The following GNAL variants were observed in gnomAD, a reference collection of about 807,000 sequenced individuals.
GNAL encodes the protein G protein subunit alpha L.
GNAL carries 18 observed loss-of-function variants against 55.1 expected under a neutral mutation model. The ratio of observed to expected loss-of-function variants is 0.33; its 90% CI spans 0.23 to 0.48. The LOEUF (loss-of-function observed/expected upper bound fraction) is 0.48. Ranked by LOEUF, GNAL falls within the 20% of genes least tolerant of loss-of-function variation. GNAL has a pLI of 0.99. For missense variants in GNAL, 412 were observed against 614.1 expected (o/e 0.67, Z 3.48); for synonymous variants, 253 against 237.0 (o/e 1.07, Z -0.62).
At chr18:11,784,666 A>G (rs2034009308) in intron 4 of GNAL, among the ~76,000 whole-genome samples, 2 of 152,240 alleles carry the variant, frequency 1.3e-5, no homozygotes, top group Non-Finnish European at 2.9e-5. Context: ...TAAGTCAAGA[A>G]GTTGGCTGTG....
At chr18:11,788,914 A>AAAAAAAAAAAAAATATATATAT (rs60071996) in intron 4 of GNAL, among the ~76,000 whole-genome samples, 1 of 56,298 alleles carries the variant, frequency 1.8e-5, no homozygotes, top group African/African-American at 1.0e-4. Context: ...AAAAAAAAAA[A>AAAAAAAAAAAAAATATATATAT]ATATATATAT....
chr18:11,861,213 C>T (rs2036126819), intron 5 of GNAL, among the ~76,000 whole-genome samples: 1 of 152,172 alleles, frequency 6.6e-6, no homozygotes, highest in Admixed American at 6.5e-5. Flanking sequence ...CCCGTCAACG[C>T]CAGCACCAAC....
At chr18:11,788,918 T>G (rs867958187) in intron 4 of GNAL, among the ~76,000 whole-genome samples, 1 of 87,084 alleles carries the variant, frequency 1.1e-5, no homozygotes, top group Non-Finnish European at 2.2e-5. Context: ...AAAAAAAATA[T>G]ATATATATAT....
intron 1 of GNAL, among the ~76,000 whole-genome samples, chr18:11,727,424 G>C (rs534913832): frequency 6.6e-6 from 1 of 152,226 alleles, no homozygotes; most frequent in East Asian, 1.9e-4. Context: ...CTGGGCAAGA[G>C]ACCCCTCTCT....
chr18:11,754,087 C>T (rs1240975471), intron 4 of GNAL, 142 bp downstream of exon 4: 2 of 683,114 alleles, frequency 2.9e-6, no homozygotes, highest in South Asian at 1.9e-5. Context: ...AAGAGGAATA[C>T]TTATTCTGTA....
At chr18:11,746,439 A>G (rs112331744) in intron 1 of GNAL, 2,752 of 248,064 alleles carry the variant, frequency 0.011, 74 homozygotes, top group African/African-American at 0.058. Flanking sequence ...GCAAGACCCC[A>G]TCTCTACAGA....
At chr18:11,845,186 T>G (rs924230342) in intron 5 of GNAL, among the ~76,000 whole-genome samples, 1 of 152,212 alleles carries the variant, frequency 6.6e-6, no homozygotes, top group Non-Finnish European at 1.5e-5. Context: ...ACTTATAGAT[T>G]GTAAGCTTAA....
intron 5 of GNAL, among the ~76,000 whole-genome samples, chr18:11,829,465 T>A (rs1056331092): frequency 1.3e-5 from 2 of 152,182 alleles, no homozygotes; most frequent in Non-Finnish European, 2.9e-5. Context: ...GCCAAATTCT[T>A]TTACTTTGCC....
intron 1 of GNAL, among the ~76,000 whole-genome samples, chr18:11,715,211 G>A (rs1264940273): frequency 6.6e-6 from 1 of 151,726 alleles, no homozygotes; most frequent in Non-Finnish European, 1.5e-5. Flanking sequence ...TGTAATCCCA[G>A]CACTTTGGGA....
At chr18:11,869,107 G>A (rs1407402799) in intron 9 of GNAL, among the ~76,000 whole-genome samples, 1 of 151,728 alleles carries the variant, frequency 6.6e-6, no homozygotes, top group Non-Finnish European at 1.5e-5. Context: ...TTCATCTATT[G>A]TATAGATATA....
In GNAL at chr18:11,689,864, G is replaced by A; in HGVS notation, c.301G>A (p.Val101Met). The change falls in exon 1 of 12, where the codon GTG (valine) becomes ATG (methionine). Residue 101 changes from valine to methionine, a missense_variant. Val to Met is a conservative substitution (Grantham distance 21, BLOSUM62 1). Around this residue, in one of 5 missense-constraint regions of GNAL, gnomAD observed 228 missense variants for 194.8 expected, o/e 1.17. Coordinates refer to ENST00000334049, the MANE Select transcript of GNAL (RefSeq NM_182978.4). The stretch of plus-strand genomic sequence containing the variant: ...CGAGGCGGTCAAGGAGGCGAGGAAA[G>A]TGAGCCGGGGCATCGACCGCATGCT... Reference protein sequence around the residue: ...EREAVKEARKVSRGIDRMLRD... With the variant: ...EREAVKEARKMSRGIDRMLRD... 2 of 1,517,700 alleles carry A rather than the reference G, an allele frequency of 1.3e-6. No individual in the cohort carries two copies. The highest frequency in any genetic ancestry group is 1.8e-6 in the Non-Finnish European group (2 of 1,135,578). 94.0% of individuals were successfully genotyped at this position (1,517,700 alleles called of 1,614,324 possible).
At chr18:11,729,578 C>A (rs568654589) in intron 1 of GNAL, among the ~76,000 whole-genome samples, 1 of 152,272 alleles carries the variant, frequency 6.6e-6, no homozygotes, top group South Asian at 2.1e-4. Flanking sequence ...ATACTCATTA[C>A]CTTTTATTGT....
intron 4 of GNAL, among the ~76,000 whole-genome samples, chr18:11,772,444 G>T (rs971292607): frequency 1.3e-5 from 2 of 152,194 alleles, no homozygotes; most frequent in African/African-American, 4.8e-5. Flanking sequence ...TTTGCCCCCA[G>T]TGCCGTCCTG....
intron 4 of GNAL, among the ~76,000 whole-genome samples, chr18:11,789,320 G>A (rs986747721): frequency 1.3e-5 from 2 of 152,150 alleles, no homozygotes; most frequent in African/African-American, 4.8e-5. Context: ...ATTTAAATCT[G>A]GGTAAGCAAT....
At chr18:11,812,798 G>A (rs1027930223) in intron 4 of GNAL, among the ~76,000 whole-genome samples, 6 of 151,664 alleles carry the variant, frequency 4.0e-5, no homozygotes, top group Admixed American at 3.3e-4. Context: ...AGCCGAGCTC[G>A]CACCACTGCA....
chr18:11,698,705 G>A (rs1399851116), intron 1 of GNAL, among the ~76,000 whole-genome samples: 1 of 146,766 alleles, frequency 6.8e-6, no homozygotes, highest in Non-Finnish European at 1.5e-5. Flanking sequence ...GGGTGATGAC[G>A]GATGAGACTG....
At position 11,751,717 on chromosome 18, in the gene GNAL, C is replaced by T. The variant is rs1229644480; in HGVS notation, c.377-1136C>T. ...CAGGCCGGTCAGCGTGTAAGCGCCC[C>T]AGCCGGCCGGGCTCCGTGGGGGGTC... On this transcript the variant is annotated intron_variant, in intron 1 of 11. Transcript: ENST00000334049. This position sits in a 1 kb window ranked among gnomAD's most constrained non-coding sequence, Gnocchi z 4.5. 2 of 959,724 alleles carry T rather than the reference C, an allele frequency of 2.1e-6. No homozygotes were observed. The highest frequency in any genetic ancestry group is 2.5e-6 in the Non-Finnish European group (2 of 806,590). 59.5% of individuals were successfully genotyped at this position (959,724 alleles called of 1,614,324 possible).
intron 1 of GNAL, among the ~76,000 whole-genome samples, chr18:11,731,336 C>T (rs756126089): frequency 2.6e-5 from 4 of 152,122 alleles, no homozygotes; most frequent in Non-Finnish European, 4.4e-5. Flanking sequence ...TTAGTAGAGA[C>T]GGGGTTTCTC....
intron 5 of GNAL, chr18:11,851,574 T>G: frequency 1.2e-6 from 2 of 1,612,080 alleles, no homozygotes; most frequent in Non-Finnish European, 1.7e-6. Flanking sequence ...TGAGTAGGAG[T>G]GCCAAAAAAT....
Sources: allele counts gnomAD v4.1 joint callset (sites outside exome capture counted in the v4.1 genomes callset), GRCh38; gene constraint gnomAD v4.1.1; regional missense constraint gnomAD v4.1.1; non-coding constraint Gnocchi (gnomAD v3.1); transcripts MANE v1.5; gene names NCBI Gene and HGNC (gene_info 2026-07-23, HGNC 2026-07-21).